CSMD2: variants seen among roughly 807,000 people sequenced by gnomAD.
CSMD2 encodes CUB and Sushi multiple domains 2.
Under a neutral mutation model 398.5 loss-of-function variants are expected in CSMD2, and 130 were observed. That is an observed-to-expected ratio of 0.33 (90% CI 0.28 to 0.38). The LOEUF is 0.38. CSMD2 is among the 10% of genes least tolerant of loss of function. The pLI is 1.00. For missense variants in CSMD2, 3,829 were observed against 4,764.9 expected (o/e 0.80, Z 5.78); for synonymous variants, 1,828 against 1,908.5 (o/e 0.96, Z 1.10).
Position 33,537,077 on chromosome 1 carries a change from C to A in CSMD2, c.9824G>T (p.Cys3275Phe). ...AAACTGTGGCACACCAGGGTCCGCA[C>A]ACGTGGTCAGGGTCGGATCTGGATG... ...PSCIDPTLTTCADPGVPQFGI... is the reference protein window; with the variant it reads ...PSCIDPTLTTFADPGVPQFGI... The change falls in exon 62 of 71, where the codon TGT becomes TTT. Residue 3275 changes from cysteine (C) to phenylalanine (F), a missense_variant. This residue lies in a region of CSMD2 where 917 missense variants were observed against 1,199.5 expected (regional missense o/e 0.76). Coordinates refer to ENST00000373381, the MANE Select transcript of CSMD2 (RefSeq NM_001281956.2). This position sits in a 1 kb window ranked among gnomAD's most constrained non-coding sequence, Gnocchi z 4.6. The A allele has an allele frequency of 6.2e-7, 1 of 1,614,210 alleles. No homozygotes were observed. Among genetic ancestry groups the A allele is most frequent in the Non-Finnish European group, 8.5e-7 (1 of 1,180,034 alleles).
chr1:33,589,275 A>G (rs1278703175), intron 44 of CSMD2, among the ~76,000 whole-genome samples: 1 of 152,178 alleles, frequency 6.6e-6, no homozygotes, highest in Non-Finnish European at 1.5e-5. Flanking sequence ...CTGTTCCTCC[A>G]GCACTGGGTG....
At chr1:34,145,777 C>G (rs995817933) in intron 1 of CSMD2, among the ~76,000 whole-genome samples, 2 of 152,118 alleles carry the variant, frequency 1.3e-5, no homozygotes, top group Non-Finnish European at 2.9e-5. Context: ...AGAGGGGGAC[C>G]TCCTTTCTGC....
chr1:33,650,020 T>C (rs1643669590), intron 28 of CSMD2, among the ~76,000 whole-genome samples: 1 of 152,206 alleles, frequency 6.6e-6, no homozygotes, highest in Non-Finnish European at 1.5e-5. Flanking sequence ...TTCTTGCCCC[T>C]GTAATTCAGC....
At chr1:33,742,925 A>G (rs900422266) in intron 14 of CSMD2, among the ~76,000 whole-genome samples, 1 of 152,144 alleles carries the variant, frequency 6.6e-6, no homozygotes, top group Non-Finnish European at 1.5e-5. Context: ...AACCAATGAG[A>G]ATGATAGAGG....
chr1:33,707,678 T>C lies in CSMD2; in HGVS notation c.3576+1411A>G, dbSNP rs528205415. ...GAAATGCATTTCAAACACGCACGCGTGCACACGCGCGCGCGCGCACACACA... is the reference window on the plus strand; with the variant it reads ...GAAATGCATTTCAAACACGCACGCGCGCACACGCGCGCGCGCGCACACACA... On this transcript the variant is annotated intron_variant, in intron 22 of 70. Transcript: ENST00000373381. 2.5e-3 allele frequency among the ~76,000 whole-genome samples: 283 copies of C among 112,960 alleles called. 1 individual carries two copies. Among genetic ancestry groups the C allele is most frequent in the African/African-American group, 8.6e-3 (268 of 31,016 alleles). 74.1% of individuals were successfully genotyped at this position (112,960 alleles called of 152,430 possible). A position where few individuals can be genotyped will look rare whatever the true frequency, so the allele number is the denominator to read the frequency against.
intron 5 of CSMD2, among the ~76,000 whole-genome samples, chr1:33,891,343 A>C (rs1642004268): frequency 6.6e-6 from 1 of 151,038 alleles, no homozygotes; most frequent in South Asian, 2.1e-4. Context: ...TCAAAACCAC[A>C]ATGAGATACC....
rs555261287 is a variant in CSMD2, at chr1:33,550,477, A to G, written c.8744-127T>C. The stretch of plus-strand genomic sequence containing the variant: ...AAACCCAAGGGTATCTGTTGAAGCA[A>G]ACTTCCTGCTGGCATGCCCACCTGG... On this transcript the variant is annotated intron_variant, in intron 55 of 70. Coordinates refer to ENST00000373381, the MANE Select transcript of CSMD2 (RefSeq NM_001281956.2). The G allele has an allele frequency of 2.5e-5, 24 of 971,186 alleles. No individual in the cohort carries two copies. In the African/African-American group the frequency reaches 3.7e-4, roughly 15 times the overall value. The allele number at this position is 971,186 out of a possible 1,614,324, so 60.2% of individuals were successfully genotyped here.
chr1:33,921,784 T>TAC (rs1398434942), intron 4 of CSMD2, among the ~76,000 whole-genome samples: 2 of 151,382 alleles, frequency 1.3e-5, no homozygotes, highest in Non-Finnish European at 2.9e-5. Context: ...GAGAAGAGGG[T>TAC]TTTCAGCAGG....
chr1:33,555,106 T>G (rs1434140168), intron 55 of CSMD2, among the ~76,000 whole-genome samples: 1 of 152,170 alleles, frequency 6.6e-6, no homozygotes, highest in Non-Finnish European at 1.5e-5. Context: ...TAAGAAGATT[T>G]GTGATTCATG....
At chr1:34,096,459 G>A (rs1242284731) in intron 1 of CSMD2, among the ~76,000 whole-genome samples, 3 of 151,004 alleles carry the variant, frequency 2.0e-5, no homozygotes, top group East Asian at 3.9e-4. Context: ...TAGGAAAAGA[G>A]GAAGTCAAAT....
chr1:33,920,149 AC>A (rs1643887181), intron 4 of CSMD2, among the ~76,000 whole-genome samples: 1 of 152,090 alleles, frequency 6.6e-6, no homozygotes, highest in Admixed American at 6.5e-5. Flanking sequence ...ACACATGGTT[AC>A]CTGGGGGAAG....
At chr1:34,146,754 A>G (rs141833175) in intron 1 of CSMD2, among the ~76,000 whole-genome samples, 40 of 152,310 alleles carry the variant, frequency 2.6e-4, no homozygotes, top group African/African-American at 9.6e-4. Context: ...TGCATGAAGC[A>G]ATTCATAGAG....
At chr1:33,738,401 CA>C (rs1182121511) in intron 15 of CSMD2, among the ~76,000 whole-genome samples, 1 of 152,180 alleles carries the variant, frequency 6.6e-6, no homozygotes, top group Non-Finnish European at 1.5e-5. Context: ...GCTTGGTACA[CA>C]AATTTGCCTG....
chr1:33,786,004 A>T (rs1653495491), intron 12 of CSMD2, among the ~76,000 whole-genome samples: 1 of 152,206 alleles, frequency 6.6e-6, no homozygotes, highest in Non-Finnish European at 1.5e-5. Context: ...GAGGTCCCAC[A>T]TCTAAGCTCA....
chr1:34,130,369 C>G (rs1663212480), intron 1 of CSMD2, among the ~76,000 whole-genome samples: 2 of 71,812 alleles, frequency 2.8e-5, no homozygotes, highest in Non-Finnish European at 5.6e-5. Context: ...AAAAAAACAG[C>G]AGGAAGAAAT....
intron 28 of CSMD2, 113 bp downstream of exon 28, chr1:33,652,210 C>T (rs1643794264): frequency 1.8e-6 from 2 of 1,108,856 alleles, no homozygotes; most frequent in African/African-American, 1.6e-5. Context: ...TCTTCACCTC[C>T]CTGGAGCTGA....
rs1299725069 is a variant in CSMD2 at position 33,623,348 on chromosome 1, A to G, written c.5722+22T>C. Reference sequence around the variant, plus strand: ...GCTCTAGTACTACCCTCCAAATTGAAGCCCCTGGAAACCCAGCTTACCTGA... The same window carrying G: ...GCTCTAGTACTACCCTCCAAATTGAGGCCCCTGGAAACCCAGCTTACCTGA... On this transcript the variant is annotated intron_variant, in intron 36 of 70. Transcript: ENST00000373381. The G allele has an allele frequency of 2.6e-6, 4 of 1,554,724 alleles. No homozygotes were observed. The African/African-American group carries it at 4.1e-5, about 16-fold the overall frequency.
chr1:33,707,691 GCGCGCACACACACACACACACACACA>G (rs1645842706), intron 22 of CSMD2, among the ~76,000 whole-genome samples: 3 of 56,838 alleles, frequency 5.3e-5, no homozygotes, highest in African/African-American at 1.4e-4. Flanking sequence ...ACACGCGCGC[GCGCGCACACACACACACACACACACA>G]CACACACACA....
At chr1:33,614,696 C>G (rs1011644473) in intron 39 of CSMD2, 76 bp from the exon 40 acceptor site, 87 of 782,872 alleles carry the variant, frequency 1.1e-4, no homozygotes, top group Non-Finnish European at 1.8e-4. Context: ...TTTGGAAGCT[C>G]CCTTCAAGCA....
Sources: allele counts gnomAD v4.1 joint callset (sites outside exome capture counted in the v4.1 genomes callset), GRCh38; gene constraint gnomAD v4.1.1; regional missense constraint gnomAD v4.1.1; non-coding constraint Gnocchi (gnomAD v3.1); transcripts MANE v1.5; gene names NCBI Gene and HGNC (gene_info 2026-07-23, HGNC 2026-07-21).